FBXL17: variants seen among roughly 807,000 people sequenced by gnomAD.
The protein encoded by FBXL17 is F-box and leucine rich repeat protein 17.
In FBXL17, 22 loss-of-function variants were observed where a neutral mutation model predicts 66.2. The observed-to-expected ratio is 0.33, with a 90% CI of 0.24 to 0.47. The LOEUF is 0.47. Among genes scored for constraint, FBXL17 ranks in the 20% least tolerant of loss-of-function variants. The pLI is 1.00. For missense variants in FBXL17, 878 were observed against 948.2 expected (o/e 0.93, Z 0.97); for synonymous variants, 474 against 400.5 (o/e 1.18, Z -2.19).
chr5:108,083,298 T>C lies in FBXL17; in HGVS notation c.1746-62297A>G, dbSNP rs574496771. Among the ~76,000 whole-genome samples the C allele has an allele frequency of 9.2e-5, 14 of 151,692 alleles. No individual in the cohort carries two copies. The East Asian group carries it at 2.5e-3, about 27-fold the overall frequency. On this transcript the variant is annotated intron_variant, in intron 6 of 8. Transcript: ENST00000542267. ...ATTAAGACAGCAGCTTCTTTTATCA[T>C]GCACAGAGGAATAAAATATTTTCCA...
chr5:107,898,140 C>A (rs976368150), intron 7 of FBXL17, among the ~76,000 whole-genome samples: 2 of 152,136 alleles, frequency 1.3e-5, no homozygotes, highest in Non-Finnish European at 2.9e-5. Flanking sequence ...TCCCATTACT[C>A]AAGACGGTTT....
In FBXL17 at chr5:108,237,707, C is replaced by T. The variant is rs12187647; in HGVS notation, c.1507-13479G>A. On this transcript the variant is annotated intron_variant, in intron 4 of 8. Coordinates refer to ENST00000542267, the MANE Select transcript of FBXL17 (RefSeq NM_001163315.3). Reference sequence around the variant, plus strand: ...CACAAGACCAACTAAAGGAATATTTCGGCCTCAAGGAGGCTGGCCAGGAGG... The same window carrying T: ...CACAAGACCAACTAAAGGAATATTTTGGCCTCAAGGAGGCTGGCCAGGAGG... Among the ~76,000 whole-genome samples, 874 of 152,156 alleles carry T rather than the reference C, an allele frequency of 5.7e-3. 8 individuals are homozygous for T. The highest frequency in any genetic ancestry group is 6.4e-3 in the Non-Finnish European group (432 of 68,006).
intron 7 of FBXL17, among the ~76,000 whole-genome samples, chr5:108,020,212 T>G (rs192295758): frequency 5.3e-4 from 80 of 152,100 alleles, no homozygotes; most frequent in African/African-American, 1.8e-3. Flanking sequence ...CATTCTCTTA[T>G]AAAGCCTAAT....
intron 6 of FBXL17, among the ~76,000 whole-genome samples, chr5:108,079,635 G>T (rs1748689489): frequency 6.6e-6 from 1 of 152,118 alleles, no homozygotes; most frequent in African/African-American, 2.4e-5. Context: ...TGCTTAAAAA[G>T]TTAAATGTGT....
intron 7 of FBXL17, among the ~76,000 whole-genome samples, chr5:108,000,912 G>A (rs1753696809): frequency 6.6e-6 from 1 of 152,230 alleles, no homozygotes; most frequent in African/African-American, 2.4e-5. Context: ...CATTTGGCTA[G>A]TGAAGTAGAA....
At position 108,229,029 on chromosome 5, in the gene FBXL17, T is replaced by C. The variant is rs138168145; in HGVS notation, c.1507-4801A>G. Among the ~76,000 whole-genome samples, 31 of 152,210 alleles carry C rather than the reference T, an allele frequency of 2.0e-4. 1 individual carries two copies. The Middle Eastern group carries it at 0.01, about 50-fold the overall frequency. ...CCTTCCATTCAAAGTGTAGTTCTCA[T>C]TCCAGCAGCACTGACGTCACTTTGG... On this transcript the variant is annotated intron_variant, in intron 4 of 8. Coordinates refer to ENST00000542267, the MANE Select transcript of FBXL17 (RefSeq NM_001163315.3).
intron 5 of FBXL17, among the ~76,000 whole-genome samples, chr5:108,217,426 G>A (rs925424011): frequency 6.6e-6 from 1 of 151,910 alleles, no homozygotes; most frequent in African/African-American, 2.4e-5. Context: ...CCTCTGAGCT[G>A]TAACACCGGC....
At chr5:108,255,724 T>C (rs991066789) in intron 4 of FBXL17, among the ~76,000 whole-genome samples, 1 of 152,114 alleles carries the variant, frequency 6.6e-6, no homozygotes, top group Non-Finnish European at 1.5e-5. Context: ...AAATATTATA[T>C]ATAGCCTTTC....
At chr5:107,905,033 A>T (rs1383927281) in intron 7 of FBXL17, among the ~76,000 whole-genome samples, 1 of 152,014 alleles carries the variant, frequency 6.6e-6, no homozygotes, top group Admixed American at 6.6e-5. Context: ...CTTCCAACTC[A>T]AACAGGGCAG....
intron 6 of FBXL17, among the ~76,000 whole-genome samples, chr5:108,056,489 A>C (rs963867380): frequency 7.2e-5 from 11 of 152,228 alleles, no homozygotes; most frequent in Non-Finnish European, 1.2e-4. Flanking sequence ...CTGAGACAAG[A>C]TTAGTGCATA....
intron 5 of FBXL17, among the ~76,000 whole-genome samples, chr5:108,216,094 T>C (rs976656538): frequency 2.0e-5 from 3 of 152,188 alleles, no homozygotes; most frequent in African/African-American, 7.2e-5. Flanking sequence ...TTGGTTCTTA[T>C]AGCTCTGTAG....
chr5:108,240,856 T>G (rs1289492922), intron 4 of FBXL17, among the ~76,000 whole-genome samples: 1 of 152,120 alleles, frequency 6.6e-6, no homozygotes, highest in Non-Finnish European at 1.5e-5. Flanking sequence ...CGTAGCTCAG[T>G]GCAGGGAGAG....
intron 4 of FBXL17, among the ~76,000 whole-genome samples, chr5:108,294,605 A>C (rs1029288090): frequency 3.3e-5 from 5 of 152,076 alleles, no homozygotes; most frequent in African/African-American, 1.2e-4. Flanking sequence ...AAACTGAAGA[A>C]ATCAAATTTA....
At chr5:108,015,162 C>A (rs1366789506) in intron 7 of FBXL17, among the ~76,000 whole-genome samples, 1 of 151,842 alleles carries the variant, frequency 6.6e-6, no homozygotes, top group Non-Finnish European at 1.5e-5. Context: ...AAGGGGAACT[C>A]CAGGAATAAA....
At chr5:107,862,423 C>T (rs35372343) in intron 8 of FBXL17, among the ~76,000 whole-genome samples, 36,194 of 151,880 alleles carry the variant, frequency 0.24, 5,503 homozygotes, top group Admixed American at 0.41. Context: ...AGAGATGGCC[C>T]CAATAGACCT....
At chr5:108,038,248 A>G (rs1035743986) in intron 6 of FBXL17, among the ~76,000 whole-genome samples, 4 of 152,162 alleles carry the variant, frequency 2.6e-5, no homozygotes, top group African/African-American at 9.6e-5. Context: ...TCCATATTAT[A>G]TAATATTAAG....
chr5:108,304,204 T>A (rs1758730450), intron 4 of FBXL17, among the ~76,000 whole-genome samples: 1 of 152,006 alleles, frequency 6.6e-6, no homozygotes, highest in Non-Finnish European at 1.5e-5. Flanking sequence ...TCTATGAAAA[T>A]TTTTATCTAC....
At chr5:108,280,605 A>T (rs920133197) in intron 4 of FBXL17, among the ~76,000 whole-genome samples, 1 of 150,426 alleles carries the variant, frequency 6.6e-6, no homozygotes, top group Non-Finnish European at 1.5e-5. Flanking sequence ...ACAAATACAG[A>T]AAAAAAAACA....
chr5:108,224,874 CT>C (rs2150077325), intron 4 of FBXL17, among the ~76,000 whole-genome samples: 1 of 152,220 alleles, frequency 6.6e-6, no homozygotes, highest in East Asian at 1.9e-4. Context: ...GTGATCCAGC[CT>C]CCTTGGCCTC....
Sources: gnomAD v4.1 joint callset for allele counts (sites outside exome capture counted in the v4.1 genomes callset) on GRCh38, gnomAD v4.1.1 for gene constraint, MANE v1.5 for transcripts, NCBI Gene and HGNC (gene_info 2026-07-23, HGNC 2026-07-21) for gene names.